FHIT: variants seen among roughly 807,000 people sequenced by gnomAD.
The protein encoded by FHIT is fragile histidine triad diadenosine triphosphatase.
In FHIT, 19 loss-of-function variants were observed where a neutral mutation model predicts 17.9. The observed-to-expected ratio is 1.06, with a 90% CI of 0.74 to 1.56. The LOEUF (loss-of-function observed/expected upper bound fraction) is 1.56. FHIT is among the 40% of genes most tolerant of loss of function. The pLI, the probability that FHIT is intolerant of heterozygous loss-of-function variation, is 0.00. For synonymous variants in FHIT, 81 were observed against 69.7 expected, an observed-to-expected ratio of 1.16 and a Z score of -0.81; for missense variants, 248 against 189.2, an observed-to-expected ratio of 1.31 and a Z score of -1.82.
At chr3:60,643,514 G>A (rs1436857527) in intron 4 of FHIT, among the ~76,000 whole-genome samples, 3 of 152,154 alleles carry the variant, frequency 2.0e-5, no homozygotes, top group African/African-American at 7.2e-5. Flanking sequence ...ACGAGGCAGA[G>A]TGATCTTAAC....
chr3:61,121,353 GT>G (rs2036451781), intron 2 of FHIT, among the ~76,000 whole-genome samples: 1 of 152,118 alleles, frequency 6.6e-6, no homozygotes, highest in Admixed American at 6.5e-5. Context: ...GAAAGGTCGG[GT>G]TATCCACAAA....
chr3:60,074,686 T>A (rs1360394754), intron 5 of FHIT, among the ~76,000 whole-genome samples: 1 of 152,094 alleles, frequency 6.6e-6, no homozygotes, highest in Non-Finnish European at 1.5e-5. Context: ...ACATGCACTT[T>A]AAAAGCATGA....
chr3:61,103,967 C>G (rs112729415), intron 2 of FHIT, among the ~76,000 whole-genome samples: 1 of 151,538 alleles, frequency 6.6e-6, no homozygotes, highest in Non-Finnish European at 1.5e-5. Context: ...TGTCTTTGCA[C>G]ATGAGATGGG....
intron 3 of FHIT, among the ~76,000 whole-genome samples, chr3:60,998,910 G>A (rs879671654): frequency 6.7e-6 from 1 of 148,690 alleles, no homozygotes; most frequent in Non-Finnish European, 1.5e-5. Flanking sequence ...ACAAGCAGAG[G>A]GCAGATGAGT....
chr3:60,193,946 C>T (rs570745989), intron 5 of FHIT, among the ~76,000 whole-genome samples: 2 of 152,002 alleles, frequency 1.3e-5, no homozygotes, highest in East Asian at 1.9e-4. Flanking sequence ...GTATCATAGA[C>T]GACACAAATG....
At chr3:59,968,543 C>T (rs150228140) in intron 7 of FHIT, among the ~76,000 whole-genome samples, 220 of 152,212 alleles carry the variant, frequency 1.4e-3, no homozygotes, top group African/African-American at 5.1e-3. Flanking sequence ...CTTCATCTCC[C>T]GATTCCAAAA....
chr3:60,371,533 C>A (rs970418708), intron 5 of FHIT, among the ~76,000 whole-genome samples: 1 of 151,810 alleles, frequency 6.6e-6, no homozygotes, highest in African/African-American at 2.4e-5. Context: ...CTCAAGTAGT[C>A]GGTTTTTAAC....
In FHIT at chr3:61,179,875, T is replaced by TGC. The variant is rs548898481; in HGVS notation, c.-164+20740_-164+20741dup. Among the ~76,000 whole-genome samples the TGC allele has an allele frequency of 6.8e-4, 103 of 152,290 alleles. 1 individual carries two copies. The East Asian group carries it at 0.012, about 18-fold the overall frequency. On this transcript the variant is annotated intron_variant, in intron 2 of 9. Transcript: ENST00000492590. The stretch of plus-strand genomic sequence containing the variant: ...GTCATGTTCTACCTCTTATTCTAGA[T>TGC]GCTGGTTCCTTAGGCATGATGACTT...
intron 2 of FHIT, among the ~76,000 whole-genome samples, chr3:61,057,080 C>T (rs1441248921): frequency 6.6e-6 from 1 of 152,228 alleles, no homozygotes; most frequent in Non-Finnish European, 1.5e-5. Context: ...ACAAACATGA[C>T]AAGCTGTGTA....
At chr3:60,679,403 A>G (rs2040695648) in intron 4 of FHIT, among the ~76,000 whole-genome samples, 1 of 152,184 alleles carries the variant, frequency 6.6e-6, no homozygotes, top group African/African-American at 2.4e-5. Flanking sequence ...ATATTATTCT[A>G]TCACTCAGAG....
At chr3:60,423,002 C>A (rs1702531694) in intron 5 of FHIT, among the ~76,000 whole-genome samples, 1 of 152,060 alleles carries the variant, frequency 6.6e-6, no homozygotes, top group Non-Finnish European at 1.5e-5. Flanking sequence ...GTTATAATAT[C>A]TTAACTTTAA....
intron 5 of FHIT, among the ~76,000 whole-genome samples, chr3:60,487,418 T>C (rs1483266966): frequency 6.6e-6 from 1 of 152,158 alleles, no homozygotes; most frequent in African/African-American, 2.4e-5. Context: ...TGTGGAAATA[T>C]TATCCAAGTA....
intron 4 of FHIT, among the ~76,000 whole-genome samples, chr3:60,595,558 CAT>C (rs1459483657): frequency 5.4e-5 from 8 of 149,222 alleles, no homozygotes; most frequent in Non-Finnish European, 1.2e-4. Flanking sequence ...TATATATGGA[CAT>C]ATGTGTATAT....
chr3:60,684,395 A>G (rs1277195137), intron 4 of FHIT, among the ~76,000 whole-genome samples: 1 of 152,094 alleles, frequency 6.6e-6, no homozygotes, highest in Non-Finnish European at 1.5e-5. Flanking sequence ...TGCAGAGCCA[A>G]TATTCAACTT....
intron 4 of FHIT, among the ~76,000 whole-genome samples, chr3:60,564,589 G>T (rs1370597638): frequency 2.0e-5 from 3 of 152,152 alleles, no homozygotes; most frequent in African/African-American, 2.4e-5. Context: ...TAGTTTAGAA[G>T]AAGTTGATTC....
intron 4 of FHIT, among the ~76,000 whole-genome samples, chr3:60,559,656 A>C (rs180995): frequency 0.38 from 56,954 of 151,850 alleles, 10,908 homozygotes; most frequent in East Asian, 0.5. Flanking sequence ...GCTAATATCC[A>C]TTTCACTTTT....
intron 4 of FHIT, among the ~76,000 whole-genome samples, chr3:60,587,773 G>A (rs1016086131): frequency 6.6e-6 from 1 of 152,004 alleles, no homozygotes; most frequent in African/African-American, 2.4e-5. Flanking sequence ...ATGCTAGGCT[G>A]TATGCCTATA....
At chr3:60,149,791 C>T (rs1700383641) in intron 5 of FHIT, among the ~76,000 whole-genome samples, 1 of 151,440 alleles carries the variant, frequency 6.6e-6, no homozygotes, top group African/African-American at 2.4e-5. Context: ...ACCCCCCTAC[C>T]CCCCTACCCA....
intron 5 of FHIT, among the ~76,000 whole-genome samples, chr3:60,137,306 A>G (rs1159231801): frequency 6.6e-6 from 1 of 152,204 alleles, no homozygotes. Context: ...TTCATAATGC[A>G]AAGTGAAGGG....
Sources: allele counts gnomAD v4.1 joint callset (sites outside exome capture counted in the v4.1 genomes callset), GRCh38; gene constraint gnomAD v4.1.1; transcripts MANE v1.5; gene names NCBI Gene and HGNC (gene_info 2026-07-23, HGNC 2026-07-21).